Variants in USB1 observed in about 807,000 individuals in gnomAD.
USB1 encodes U6 snRNA phosphodiesterase 1.
USB1 carries 21 observed loss-of-function variants against 29.9 expected under a neutral mutation model. The observed-to-expected ratio is 0.70, with a 90% CI of 0.50 to 1.01. USB1 has a LOEUF of 1.01. USB1 is among the 50% of genes least tolerant of loss of function. USB1 has a pLI of 0.00. For synonymous variants in USB1, 143 were observed against 134.9 expected (o/e 1.06, Z -0.42); for missense variants, 330 against 347.1 (o/e 0.95, Z 0.39).
Position 58,017,444 on chromosome 16 carries a change from T to C in USB1, c.609+5T>C. ...AACCTCACCACTTTCTACCAGGTAA[T>C]GAATGGGGCTGCTGCTTCTCCATTG... On this transcript the variant is annotated splice_donor_5th_base_variant and intron_variant, in intron 5 of 6. Transcript: ENST00000219281. 1.9e-6 allele frequency: 3 copies of C among 1,610,350 alleles called. No homozygotes were observed. Among genetic ancestry groups the C allele is most frequent in the Non-Finnish European group, 2.5e-6 (3 of 1,176,586 alleles).
At chr16:58,016,064 T>C (rs1444041489) in intron 4 of USB1, 2 of 152,842 alleles carry the variant, frequency 1.3e-5, no homozygotes, top group Admixed American at 1.3e-4. Context: ...GGGGGCAAGA[T>C]AGAAGGGAGC....
chr16:58,010,727 A>G (rs552348831), intron 3 of USB1: 40 of 428,946 alleles, frequency 9.3e-5, no homozygotes, highest in Non-Finnish European at 1.5e-4. Flanking sequence ...CAGGATACAC[A>G]TGAACAGCCA....
chr16:58,018,649 C>G (rs1963674096), intron 5 of USB1, among the ~76,000 whole-genome samples: 1 of 152,168 alleles, frequency 6.6e-6, no homozygotes, highest in East Asian at 1.9e-4. Context: ...TTAAAGGGCA[C>G]TAATCATGAG....
chr16:58,003,041 G>C (rs185937797), intron 2 of USB1, among the ~76,000 whole-genome samples: 1 of 152,266 alleles, frequency 6.6e-6, no homozygotes, highest in Non-Finnish European at 1.5e-5. Flanking sequence ...CCAGGCTTCA[G>C]AGTCAGACCT....
chr16:58,012,307 T>A, intron 3 of USB1: 2 of 1,535,450 alleles, frequency 1.3e-6, no homozygotes, highest in Middle Eastern at 1.7e-4. Context: ...TTATCAGGAC[T>A]CTCTTAACCA....
intron 2 of USB1, among the ~76,000 whole-genome samples, chr16:58,004,728 C>G (rs1386014066): frequency 6.6e-6 from 1 of 152,170 alleles, no homozygotes; most frequent in Non-Finnish European, 1.5e-5. Flanking sequence ...ATCTTTCTGT[C>G]TATAAACATA....
upstream of USB1, chr16:58,001,229 C>CGAG (rs1313792792): frequency 3.4e-6 from 2 of 592,942 alleles, no homozygotes; most frequent in Non-Finnish European, 6.0e-6. Context: ...AATGGGTACA[C>CGAG]GAAGGCTGGG....
chr16:58,020,269 G>C lies in USB1; in HGVS notation c.*24G>C, dbSNP rs765579501. 2.5e-6 allele frequency: 4 copies of C among 1,610,112 alleles called. No homozygotes were observed. The highest frequency in any genetic ancestry group is 2.2e-5 in the South Asian group (2 of 90,960). On this transcript the variant is annotated 3_prime_UTR_variant, in exon 7 of 7. Coordinates refer to ENST00000219281, the MANE Select transcript of USB1 (RefSeq NM_024598.4). ...GAGCACCAGAGGCCTTCCTCCTCCA[G>C]GGCCCTCTGCAGACCAGGCTGAGAT... is the stretch of plus-strand genomic sequence containing the variant.
chr16:58,008,032 T>G (rs1356964395), intron 2 of USB1, among the ~76,000 whole-genome samples: 1 of 152,196 alleles, frequency 6.6e-6, no homozygotes, highest in Non-Finnish European at 1.5e-5. Context: ...TAGGCCTATT[T>G]AGATTATTTC....
intron 2 of USB1, among the ~76,000 whole-genome samples, chr16:58,005,115 A>G (rs1043125974): frequency 6.6e-6 from 1 of 152,150 alleles, no homozygotes; most frequent in Non-Finnish European, 1.5e-5. Flanking sequence ...TACTTTCACT[A>G]ATTTTGCTAC....
rs764051958 is a variant in USB1 at position 58,010,123 on chromosome 16, C to T, written c.449+11C>T. 15 of 1,613,836 alleles carry T rather than the reference C, an allele frequency of 9.3e-6. No homozygotes were observed. In the Admixed American group the frequency reaches 2.3e-4, roughly 25 times the overall value. On this transcript the variant is annotated intron_variant, in intron 3 of 6. Transcript: ENST00000219281. ...GACCTCCTTCCACAGGTGAGTGCTT[C>T]TTCCCTCTGCCTCTCCACTCCCTCC...
rs757956792 is a variant in USB1, at chr16:58,010,889, C to T, written c.449+777C>T. 1.2e-4 allele frequency: 79 copies of T among 649,426 alleles called. 1 individual carries two copies. The highest frequency in any genetic ancestry group is 1.2e-3 in the East Asian group (42 of 36,494). 40.2% of individuals were successfully genotyped at this position (649,426 alleles called of 1,614,324 possible). A position where few individuals can be genotyped will look rare whatever the true frequency, so the allele number is the denominator to read the frequency against. ...CAAACCCTGTAGTTCCAAATTTTTA[C>T]GGAGGCTTCATCACATAGGCATGAT... On this transcript the variant is annotated intron_variant, in intron 3 of 6. Coordinates refer to ENST00000219281, the MANE Select transcript of USB1 (RefSeq NM_024598.4).
At chr16:58,012,855 T>C in intron 3 of USB1, 1 of 988,304 alleles carries the variant, frequency 1.0e-6, no homozygotes, top group Non-Finnish European at 1.2e-6. Flanking sequence ...CAGTGGTTCC[T>C]TAACTGGGCA....
intron 5 of USB1, among the ~76,000 whole-genome samples, chr16:58,017,878 A>G (rs1963655019): frequency 6.6e-6 from 1 of 151,974 alleles, no homozygotes; most frequent in Non-Finnish European, 1.5e-5. Flanking sequence ...CATTCATTTT[A>G]TTTGATATAT....
Position 58,013,610 on chromosome 16 carries a change from G to T in USB1, c.450-663G>T. 1.4e-5 allele frequency: 2 copies of T among 140,910 alleles called. No homozygotes were observed. The highest frequency in any genetic ancestry group is 1.5e-5 in the Non-Finnish European group (1 of 65,438). The allele number at this position is 140,910 out of a possible 1,614,324, so 8.7% of individuals were successfully genotyped here. A position where few individuals can be genotyped will look rare whatever the true frequency, so the allele number is the denominator to read the frequency against. On this transcript the variant is annotated intron_variant, in intron 3 of 6. Coordinates refer to ENST00000219281, the MANE Select transcript of USB1 (RefSeq NM_024598.4). This position sits in a 1 kb window ranked among gnomAD's most constrained non-coding sequence, Gnocchi z 4.3. Reference sequence around the variant, plus strand: ...CGTGTTATTGATCTGAGGGGTGGGTGGGTGGGGGCATCTGTCTCGATTTCA... The same window carrying T: ...CGTGTTATTGATCTGAGGGGTGGGTTGGTGGGGGCATCTGTCTCGATTTCA...
intron 4 of USB1, chr16:58,016,925 C>G (rs1258144406): frequency 3.4e-6 from 1 of 297,964 alleles, no homozygotes; most frequent in Non-Finnish European, 6.6e-6. Context: ...AGAGAGCATG[C>G]CTGAGTGCTT....
intron 2 of USB1, among the ~76,000 whole-genome samples, chr16:58,008,446 T>C (rs1172815103): frequency 7.2e-6 from 1 of 138,628 alleles, no homozygotes; most frequent in Admixed American, 7.7e-5. Flanking sequence ...TAGATCTTTT[T>C]CTTTTTCTTT....
rs1181190695 is a variant in USB1, at chr16:58,001,576, C to A, written c.93C>A (p.His31Gln). The change falls in exon 1 of 7, where the codon CAC becomes CAA. Residue 31 changes from histidine (H) to glutamine (Q), a missense_variant. By Grantham distance (24) the His-to-Gln change is conservative. Transcript: ENST00000219281. ...GGACCAGGCCGGGGGATGGGAGCCA[C>A]CGTCGGTGAGGAGTGAGGAAGTCTC... Reference protein sequence around the residue: ...GMRTRPGDGSHRRGQSPLPRQ... With the variant: ...GMRTRPGDGSQRRGQSPLPRQ... 1 of 1,605,906 alleles carries A rather than the reference C, an allele frequency of 6.2e-7. No individual in the cohort carries two copies. The highest frequency in any genetic ancestry group is 1.3e-5 in the African/African-American group (1 of 74,808).
chr16:58,012,121 T>A, intron 3 of USB1: 1 of 1,406,486 alleles, frequency 7.1e-7, no homozygotes. Context: ...CCATAGGATG[T>A]CACTGCCCAA....
Sources: allele counts gnomAD v4.1 joint callset (sites outside exome capture counted in the v4.1 genomes callset), GRCh38; gene constraint gnomAD v4.1.1; non-coding constraint Gnocchi (gnomAD v3.1); transcripts MANE v1.5; gene names NCBI Gene and HGNC (gene_info 2026-07-23, HGNC 2026-07-21).